ZNF804A: variants seen among roughly 807,000 people sequenced by gnomAD.
ZNF804A encodes zinc finger protein 804A.
In ZNF804A, 2 loss-of-function variants were observed where a neutral mutation model predicts 16.5. The ratio of observed to expected loss-of-function variants is 0.12; its 90% CI spans 0.05 to 0.38. The LOEUF (loss-of-function observed/expected upper bound fraction) is 0.38. Ranked by LOEUF, ZNF804A falls within the 10% of genes least tolerant of loss-of-function variation. The probability of loss-of-function intolerance (pLI) is 0.99; values close to 1 mark genes in which losing one functional copy is unlikely to be tolerated. For missense variants in ZNF804A, 1,473 were observed against 1,390.7 expected, an observed-to-expected ratio of 1.06 and a Z score of -0.94; for synonymous variants, 534 against 489.6, an observed-to-expected ratio of 1.09 and a Z score of -1.20.
At chr2:184,855,038 A>C (rs926697984) in intron 1 of ZNF804A, among the ~76,000 whole-genome samples, 1 of 152,088 alleles carries the variant, frequency 6.6e-6, no homozygotes, top group Non-Finnish European at 1.5e-5. Flanking sequence ...ACTGATGAAG[A>C]TCTGATGCCA....
chr2:184,767,610 G>C (rs1328588899), intron 1 of ZNF804A, among the ~76,000 whole-genome samples: 1 of 151,984 alleles, frequency 6.6e-6, no homozygotes, highest in Non-Finnish European at 1.5e-5. Flanking sequence ...GCCACAAAGT[G>C]TCAAACAAAC....
chr2:184,862,256 A>G (rs1408389835), intron 1 of ZNF804A, among the ~76,000 whole-genome samples: 2 of 152,228 alleles, frequency 1.3e-5, no homozygotes, highest in African/African-American at 4.8e-5. Flanking sequence ...ATTAGCCACA[A>G]TGAAAGAGAG....
At chr2:184,811,755 C>A (rs1026981341) in intron 1 of ZNF804A, among the ~76,000 whole-genome samples, 3 of 152,082 alleles carry the variant, frequency 2.0e-5, no homozygotes, top group African/African-American at 7.2e-5. Context: ...GAAAATAAGT[C>A]ATCAAAATTT....
chr2:184,853,118 A>T (rs1354489420), intron 1 of ZNF804A, among the ~76,000 whole-genome samples: 3 of 151,786 alleles, frequency 2.0e-5, no homozygotes, highest in African/African-American at 7.2e-5. Context: ...AATTTCTTTC[A>T]TCAGTGCTTT....
At chr2:184,838,969 A>G (rs994521885) in intron 1 of ZNF804A, among the ~76,000 whole-genome samples, 1 of 152,130 alleles carries the variant, frequency 6.6e-6, no homozygotes, top group African/African-American at 2.4e-5. Context: ...TACCTAGGCT[A>G]AAAGTTGTGT....
intron 1 of ZNF804A, among the ~76,000 whole-genome samples, chr2:184,826,307 A>G (rs1265929765): frequency 6.6e-6 from 1 of 152,130 alleles, no homozygotes; most frequent in Non-Finnish European, 1.5e-5. Context: ...ATGAAACATT[A>G]TGGAATGAAA....
intron 1 of ZNF804A, among the ~76,000 whole-genome samples, chr2:184,704,884 A>T (rs1692997896): frequency 6.6e-6 from 1 of 152,170 alleles, no homozygotes; most frequent in African/African-American, 2.4e-5. Flanking sequence ...ATCCTTGTAG[A>T]CTCTGCTTGG....
At chr2:184,662,483 G>A (rs1400700115) in intron 1 of ZNF804A, among the ~76,000 whole-genome samples, 1 of 152,148 alleles carries the variant, frequency 6.6e-6, no homozygotes, top group Non-Finnish European at 1.5e-5. Context: ...TTGGCTATTT[G>A]AGAAACGTAT....
intron 1 of ZNF804A, among the ~76,000 whole-genome samples, chr2:184,766,695 A>G (rs2105766301): frequency 6.6e-6 from 1 of 152,118 alleles, no homozygotes; most frequent in South Asian, 2.1e-4. Context: ...ATCCAAAATG[A>G]TTGAAAGCGA....
chr2:184,713,218 T>G (rs1165826056), intron 1 of ZNF804A, among the ~76,000 whole-genome samples: 7 of 151,822 alleles, frequency 4.6e-5, no homozygotes, highest in African/African-American at 1.7e-4. Context: ...CCTCAATGAT[T>G]GTGACAAAGA....
chr2:184,854,232 A>G (rs1416921478), intron 1 of ZNF804A, among the ~76,000 whole-genome samples: 1 of 151,940 alleles, frequency 6.6e-6, no homozygotes, highest in African/African-American at 2.4e-5. Context: ...AAAATTCTAT[A>G]CCTGACCTCA....
At chr2:184,866,963 A>T (rs528381529) in intron 2 of ZNF804A, among the ~76,000 whole-genome samples, 39 of 151,536 alleles carry the variant, frequency 2.6e-4, no homozygotes, top group Admixed American at 1.6e-3. Flanking sequence ...AGCATTTTGG[A>T]TTTAAGCTAC....
intron 1 of ZNF804A, among the ~76,000 whole-genome samples, chr2:184,830,749 G>A (rs1243688538): frequency 6.6e-6 from 1 of 152,028 alleles, no homozygotes; most frequent in South Asian, 2.1e-4. Context: ...TTCATAATGA[G>A]TCACCTTCCT....
chr2:184,620,638 C>A lies in ZNF804A; in HGVS notation c.111+21568C>A, dbSNP rs548409240. Reference sequence around the variant, plus strand: ...ATCACACATATTATTTTTGCTTGAGCCTGTTGAAAGTCATTTTCAAGGACA... The same window carrying A: ...ATCACACATATTATTTTTGCTTGAGACTGTTGAAAGTCATTTTCAAGGACA... On this transcript the variant is annotated intron_variant, in intron 1 of 3. Coordinates refer to ENST00000302277, the MANE Select transcript of ZNF804A (RefSeq NM_194250.2). Among the ~76,000 whole-genome samples, 4 of 151,562 alleles carry A rather than the reference C, an allele frequency of 2.6e-5. No individual in the cohort carries two copies. In the South Asian group the frequency reaches 8.3e-4, roughly 31 times the overall value.
chr2:184,762,075 A>G (rs1464720668), intron 1 of ZNF804A, among the ~76,000 whole-genome samples: 2 of 152,044 alleles, frequency 1.3e-5, no homozygotes, highest in Non-Finnish European at 2.9e-5. Context: ...GTCACATTCC[A>G]TGATGTCTCT....
At chr2:184,931,194 C>A (rs920310069) in intron 2 of ZNF804A, among the ~76,000 whole-genome samples, 1 of 152,198 alleles carries the variant, frequency 6.6e-6, no homozygotes, top group Admixed American at 6.5e-5. Context: ...GGTGGATCTA[C>A]CATTCTGCTG....
At chr2:184,917,080 C>A (rs1322452046) in intron 2 of ZNF804A, among the ~76,000 whole-genome samples, 2 of 152,056 alleles carry the variant, frequency 1.3e-5, no homozygotes, top group African/African-American at 2.4e-5. Flanking sequence ...AATATTTTCA[C>A]AGTAAAATCT....
chr2:184,703,881 A>G (rs1673296245), intron 1 of ZNF804A, among the ~76,000 whole-genome samples: 1 of 152,060 alleles, frequency 6.6e-6, no homozygotes, highest in Non-Finnish European at 1.5e-5. Flanking sequence ...TGTTTTGAAG[A>G]TAAATCTGTT....
chr2:184,645,879 A>G (rs1461316451), intron 1 of ZNF804A, among the ~76,000 whole-genome samples: 1 of 152,172 alleles, frequency 6.6e-6, no homozygotes, highest in Non-Finnish European at 1.5e-5. Context: ...TGATAAAAGT[A>G]AGTGAAGCCC....
Sources: gnomAD v4.1 joint callset for allele counts (sites outside exome capture counted in the v4.1 genomes callset) on GRCh38, gnomAD v4.1.1 for gene constraint, MANE v1.5 for transcripts, NCBI Gene and HGNC (gene_info 2026-07-23, HGNC 2026-07-21) for gene names.